The following VWA3A variants were observed in gnomAD, a reference collection of about 807,000 sequenced individuals.
VWA3A encodes the protein von Willebrand factor A domain-containing protein 3A.
A neutral mutation model predicts 160.4 loss-of-function variants in VWA3A; 134 were observed. The observed-to-expected ratio is 0.84, with a 90% CI of 0.73 to 0.96. The LOEUF (loss-of-function observed/expected upper bound fraction) is 0.96. Ranked by LOEUF, VWA3A falls within the 40% of genes least tolerant of loss-of-function variation. The pLI is 0.00. For synonymous variants in VWA3A, 476 were observed against 543.4 expected (o/e 0.88, Z 1.72); for missense variants, 1,310 against 1,447.9 (o/e 0.90, Z 1.55).
chr16:22,146,512 C>T (rs775097077), intron 27 of VWA3A, among the ~76,000 whole-genome samples, 168 bp downstream of exon 27: 26 of 151,976 alleles, frequency 1.7e-4, no homozygotes, highest in Admixed American at 5.2e-4. Flanking sequence ...GGAGGCCGGG[C>T]GTGGTGGCTC....
chr16:22,115,928 A>AAGGAAGGAAGGAAGGAAGG (rs1267589853), intron 9 of VWA3A, among the ~76,000 whole-genome samples: 1 of 27,310 alleles, frequency 3.7e-5, no homozygotes, highest in Non-Finnish European at 5.0e-5. Flanking sequence ...GAAGGAAAGG[A>AAGGAAGGAAGGAAGGAAGG]AAGGAAAGGA....
intron 11 of VWA3A, among the ~76,000 whole-genome samples, chr16:22,118,676 A>T (rs1456888610): frequency 6.6e-6 from 1 of 152,110 alleles, no homozygotes; most frequent in Non-Finnish European, 1.5e-5. Context: ...ACAGAGCGAG[A>T]CTCCATCAAA....
In VWA3A at chr16:22,110,919, A is replaced by C. The variant is rs986934333; in HGVS notation, c.614A>C (p.Glu205Ala). 1.9e-6 allele frequency: 3 copies of C among 1,609,976 alleles called. No individual in the cohort carries two copies. The highest frequency in any genetic ancestry group is 2.5e-6 in the Non-Finnish European group (3 of 1,178,404). Residue 205 changes from glutamate (E) to alanine (A), a missense_variant, in exon 8 of 34, where the codon GAG becomes GCG. By Grantham distance (107) the Glu-to-Ala change is moderately radical. Transcript: ENST00000389398. ...SLIDEQLSHK[E>A]KLFVLSFGTN... ...ATCGATGAGCAGCTGAGCCACAAGG[A>C]GAAGCTGTTTGTCCTGTCCTTTGGC...
intron 6 of VWA3A, among the ~76,000 whole-genome samples, chr16:22,104,584 C>T (rs2045454542): frequency 6.6e-6 from 1 of 152,030 alleles, no homozygotes; most frequent in South Asian, 2.1e-4. Context: ...GAGGCTGAGG[C>T]AGAAGGATTT....
intron 9 of VWA3A, among the ~76,000 whole-genome samples, chr16:22,116,180 T>C (rs1321456218): frequency 1.3e-5 from 1 of 79,110 alleles, no homozygotes; most frequent in Admixed American, 1.6e-4. Context: ...AAACAAAGAA[T>C]GAAAGAAGGA....
chr16:22,151,665 A>G (rs1259288175), intron 30 of VWA3A, among the ~76,000 whole-genome samples: 3 of 152,196 alleles, frequency 2.0e-5, no homozygotes, highest in Non-Finnish European at 4.4e-5. Context: ...TGAGGCCAGG[A>G]GTTCGAGACC....
chr16:22,123,185 A>G lies in VWA3A; in HGVS notation c.1437+20A>G. On this transcript the variant is annotated intron_variant, in intron 15 of 33. Transcript: ENST00000389398. ...TACCAGGTCAGTGATGGGTTCAATC[A>G]GTCAGAAAATGGGGTGCAGAAAGTG... is the stretch of plus-strand genomic sequence containing the variant. 1.3e-6 allele frequency: 2 copies of G among 1,584,916 alleles called. No individual in the cohort carries two copies. The highest frequency in any genetic ancestry group is 1.7e-6 in the Non-Finnish European group (2 of 1,164,060).
chr16:22,121,040 A>C lies in VWA3A; in HGVS notation c.1189A>C (p.Thr397Pro), dbSNP rs771656105. 1 of 1,613,980 alleles carries C rather than the reference A, an allele frequency of 6.2e-7. No individual in the cohort carries two copies. Among genetic ancestry groups the C allele is most frequent in the South Asian group, 1.1e-5 (1 of 91,068 alleles). The change falls in exon 13 of 34, where the codon ACC becomes CCC. Residue 397 changes from threonine (T) to proline (P), a missense_variant. Physicochemically the swap from Thr to Pro is conservative, Grantham distance 38 (BLOSUM62 -1). Coordinates refer to ENST00000389398, the MANE Select transcript of VWA3A (RefSeq NM_173615.5). ...PKPPKHDAPL[T>P]IEFPNLDKTS... ...ACCCCCAAAGCATGACGCTCCTCTC[A>C]CCATTGAGTTTCCAAACTTGGACAA...
chr16:22,149,687 C>A, intron 28 of VWA3A, 100 bp from the exon 29 acceptor site: 1 of 1,390,672 alleles, frequency 7.2e-7, no homozygotes, highest in Non-Finnish European at 9.5e-7. Context: ...GAATAGTCCT[C>A]ATGAGGGTAA....
chr16:22,120,890 C>A, intron 12 of VWA3A, 78 bp from the exon 13 acceptor site: 1 of 1,547,630 alleles, frequency 6.5e-7, no homozygotes, highest in Admixed American at 1.9e-5. Flanking sequence ...CTTGCATTGA[C>A]TGGGTGGAGG....
At chr16:22,104,475 T>C (rs1323368148) in intron 6 of VWA3A, among the ~76,000 whole-genome samples, 4 of 151,738 alleles carry the variant, frequency 2.6e-5, no homozygotes, top group Non-Finnish European at 5.9e-5. Context: ...GGAGACACAG[T>C]GAGACTCCCT....
At chr16:22,119,567 A>T (rs1217880167) in intron 12 of VWA3A, among the ~76,000 whole-genome samples, 1 of 152,178 alleles carries the variant, frequency 6.6e-6, no homozygotes, top group African/African-American at 2.4e-5. Context: ...GCTACTCAGG[A>T]GGCTGAGGTG....
chr16:22,138,031 A>T (rs2046075570), intron 21 of VWA3A, among the ~76,000 whole-genome samples: 1 of 152,166 alleles, frequency 6.6e-6, no homozygotes, highest in South Asian at 2.1e-4. Flanking sequence ...TGACAGCTTC[A>T]GAGCTTTGGT....
chr16:22,138,074 C>T (rs1386734822), intron 21 of VWA3A, among the ~76,000 whole-genome samples: 1 of 152,166 alleles, frequency 6.6e-6, no homozygotes, highest in East Asian at 1.9e-4. Flanking sequence ...GACGACACAC[C>T]TACCCTATCG....
At chr16:22,107,112 G>T (rs2045493397) in intron 6 of VWA3A, among the ~76,000 whole-genome samples, 1 of 152,166 alleles carries the variant, frequency 6.6e-6, no homozygotes, top group Admixed American at 6.5e-5. Context: ...TTTGAAGATG[G>T]ACCTCAGATA....
intron 8 of VWA3A, among the ~76,000 whole-genome samples, chr16:22,112,770 C>T (rs752575078): frequency 1.4e-4 from 22 of 152,284 alleles, no homozygotes; most frequent in Middle Eastern, 3.4e-3. Flanking sequence ...ATTTCTAGGA[C>T]GGAGGCCCCC....
chr16:22,155,495 TG>T, intron 31 of VWA3A, 71 bp from the exon 32 acceptor site: 1 of 1,368,268 alleles, frequency 7.3e-7, no homozygotes, highest in East Asian at 2.3e-5. Context: ...AGCTCTAAAA[TG>T]CTTTTCCTGA....
chr16:22,155,743 G>T (rs189046993), intron 32 of VWA3A, 79 bp downstream of exon 32: 67 of 1,598,354 alleles, frequency 4.2e-5, no homozygotes, highest in Non-Finnish European at 5.5e-5. Context: ...GAGAAGGGCC[G>T]CACCCATGAT....
chr16:22,120,487 G>A (rs779626124), intron 12 of VWA3A, among the ~76,000 whole-genome samples: 1 of 152,158 alleles, frequency 6.6e-6, no homozygotes, highest in Non-Finnish European at 1.5e-5. Context: ...GTAGCACTCA[G>A]ATATAGCAAA....
Sources: allele counts gnomAD v4.1 joint callset (sites outside exome capture counted in the v4.1 genomes callset), GRCh38; gene constraint gnomAD v4.1.1; transcripts MANE v1.5; gene names NCBI Gene and HGNC (gene_info 2026-07-23, HGNC 2026-07-21).